Variants in TRHDE observed in about 807,000 individuals in gnomAD.
TRHDE encodes thyrotropin releasing hormone degrading enzyme, also known as thyrotropin-releasing hormone-degrading ectoenzyme.
Under a neutral mutation model 125.7 loss-of-function variants are expected in TRHDE, and 72 were observed. That is an observed-to-expected ratio of 0.57 (90% confidence interval 0.47 to 0.70). The LOEUF is 0.70. Among genes scored for constraint, TRHDE ranks in the 30% least tolerant of loss-of-function variants. The probability of loss-of-function intolerance (pLI) is 0.00; values close to 1 mark genes in which losing one functional copy is unlikely to be tolerated. For missense variants in TRHDE, 1,110 were observed against 1,327.1 expected (o/e 0.84, Z 2.54); for synonymous variants, 509 against 509.1 (o/e 1.00, Z 0.00).
At chr12:72,294,228 C>G (rs1044517280) in intron 2 of TRHDE, among the ~76,000 whole-genome samples, 1 of 152,170 alleles carries the variant, frequency 6.6e-6, no homozygotes, top group Admixed American at 6.5e-5. Context: ...GTTCTTTTAG[C>G]CTCACCATTC....
At chr12:72,389,818 A>G (rs948003684) in intron 3 of TRHDE, among the ~76,000 whole-genome samples, 2 of 152,198 alleles carry the variant, frequency 1.3e-5, no homozygotes, top group Non-Finnish European at 1.5e-5. Flanking sequence ...ACATTTTTAA[A>G]GAATCACATT....
Position 72,273,598 on chromosome 12 carries a change from G to A in TRHDE, c.914+41G>A. The A allele has an allele frequency of 6.5e-7, 1 of 1,537,586 alleles. No individual in the cohort carries two copies. Among genetic ancestry groups the A allele is most frequent in the Non-Finnish European group, 8.8e-7 (1 of 1,142,068 alleles). On this transcript the variant is annotated intron_variant, in intron 1 of 18. Transcript: ENST00000261180. The surrounding 1 kb of genome is among the most constrained non-coding windows in gnomAD (Gnocchi z 5.3). Reference sequence around the variant, plus strand: ...GTGCCCCGCGCTGCCCCACCCCGGCGCGCGGCTCGAACCTCTGGGCGGCCT... The same window carrying A: ...GTGCCCCGCGCTGCCCCACCCCGGCACGCGGCTCGAACCTCTGGGCGGCCT...
intron 3 of TRHDE, among the ~76,000 whole-genome samples, chr12:72,469,445 C>T (rs1876538903): frequency 1.3e-5 from 2 of 152,140 alleles, no homozygotes; most frequent in East Asian, 1.9e-4. Context: ...TCTGTAGGTT[C>T]CTGCTGCATG....
At chr12:72,317,566 A>C (rs1416967885) in intron 2 of TRHDE, among the ~76,000 whole-genome samples, 1 of 152,134 alleles carries the variant, frequency 6.6e-6, no homozygotes, top group East Asian at 1.9e-4. Context: ...TGGCTCCCTT[A>C]AGCCCTTTTG....
chr12:72,463,475 T>C (rs1287287929), intron 3 of TRHDE, among the ~76,000 whole-genome samples: 1 of 152,178 alleles, frequency 6.6e-6, no homozygotes, highest in Non-Finnish European at 1.5e-5. Context: ...CTGTAGGTAG[T>C]ATGGCTTAGG....
At chr12:72,592,992 C>T (rs909662028) in intron 12 of TRHDE, among the ~76,000 whole-genome samples, 2 of 152,166 alleles carry the variant, frequency 1.3e-5, no homozygotes, top group Non-Finnish European at 2.9e-5. Flanking sequence ...GGATTACAGG[C>T]GTGAGCCACC....
intron 2 of TRHDE, among the ~76,000 whole-genome samples, chr12:72,183,145 C>T (rs1877128342): frequency 6.6e-6 from 1 of 152,168 alleles, no homozygotes; most frequent in African/African-American, 2.4e-5. Flanking sequence ...TGGATGAAAA[C>T]TCTCCTCTTT....
chr12:72,619,016 T>C lies in TRHDE; in HGVS notation c.2447T>C (p.Met816Thr), dbSNP rs766967226. 3.8e-6 allele frequency: 6 copies of C among 1,567,320 alleles called. No individual in the cohort carries two copies. The Admixed American group carries it at 8.0e-5, about 21-fold the overall frequency. ...CCTCTAGATAAATTACTGGACCGCA[T>C]GGAAAACTACAACATTTTCAATGTA... ...LYPLDKLLDRMENYNIFNEYI... is the reference protein window; with the variant it reads ...LYPLDKLLDRTENYNIFNEYI... The change falls in exon 13 of 19, where the codon ATG becomes ACG. Residue 816 changes from methionine to threonine, a missense_variant. By Grantham distance (81) the Met-to-Thr change is moderately conservative. This residue lies in a region of TRHDE where 527 missense variants were observed against 651.8 expected (regional missense o/e 0.81). Transcript: ENST00000261180.
At chr12:72,189,556 C>T (rs1025110286) in intron 2 of TRHDE, among the ~76,000 whole-genome samples, 8 of 152,102 alleles carry the variant, frequency 5.3e-5, no homozygotes, top group African/African-American at 4.8e-5. Flanking sequence ...TGGTATGAAA[C>T]GTGTAACTTG....
intron 1 of TRHDE, among the ~76,000 whole-genome samples, chr12:72,092,916 C>T (rs1414871458): frequency 9.9e-5 from 15 of 152,176 alleles, no homozygotes; most frequent in Admixed American, 9.8e-4. Context: ...TGGAAACTCA[C>T]CATCTTAGCC....
chr12:72,463,737 G>T (rs903851975), intron 3 of TRHDE, among the ~76,000 whole-genome samples: 3 of 152,142 alleles, frequency 2.0e-5, no homozygotes, highest in Non-Finnish European at 2.9e-5. Flanking sequence ...TCTGACTGTG[G>T]CAGACAGGAG....
At chr12:72,192,375 T>C (rs772976583) in intron 2 of TRHDE, among the ~76,000 whole-genome samples, 5 of 152,144 alleles carry the variant, frequency 3.3e-5, no homozygotes, top group Non-Finnish European at 5.9e-5. Flanking sequence ...TGTCTTGCCC[T>C]TTTAAGACAG....
intron 3 of TRHDE, among the ~76,000 whole-genome samples, chr12:72,445,930 T>C (rs1875255430): frequency 6.6e-6 from 1 of 151,926 alleles, no homozygotes. Context: ...GGGCACTGGT[T>C]GGTTAGGGAT....
intron 13 of TRHDE, 111 bp from the exon 14 acceptor site, chr12:72,620,997 T>A: frequency 1.8e-6 from 1 of 542,690 alleles, no homozygotes; most frequent in East Asian, 3.1e-5. Flanking sequence ...TTATGGATAT[T>A]TGAAAGTAGG....
At chr12:72,474,321 T>C in intron 5 of TRHDE, among the ~76,000 whole-genome samples, 1 of 152,124 alleles carries the variant, frequency 6.6e-6, no homozygotes, top group East Asian at 1.9e-4. Flanking sequence ...AGTTTTCAGG[T>C]GTGTGATGCA....
intron 2 of TRHDE, among the ~76,000 whole-genome samples, chr12:72,307,948 CT>C (rs1356376478): frequency 2.0e-5 from 3 of 152,042 alleles, no homozygotes; most frequent in African/African-American, 7.2e-5. Context: ...AATCAGATAC[CT>C]TATGGTTAAG....
intron 12 of TRHDE, among the ~76,000 whole-genome samples, chr12:72,590,860 T>C (rs1213820430): frequency 2.6e-5 from 4 of 152,346 alleles, no homozygotes; most frequent in East Asian, 3.9e-4. Context: ...GTTGTTATTG[T>C]TTTCTTCTTG....
intron 2 of TRHDE, among the ~76,000 whole-genome samples, chr12:72,325,352 T>C (rs1869291048): frequency 6.6e-6 from 1 of 152,136 alleles, no homozygotes; most frequent in South Asian, 2.1e-4. Flanking sequence ...CAGAGGTTTA[T>C]GTATTTTCAC....
intron 2 of TRHDE, among the ~76,000 whole-genome samples, chr12:72,370,500 G>A (rs142638013): frequency 1.3e-5 from 2 of 152,002 alleles, no homozygotes; most frequent in East Asian, 3.9e-4. Flanking sequence ...TTTGCAATTC[G>A]GTTTACAGAC....
Sources: gnomAD v4.1 joint callset for allele counts (sites outside exome capture counted in the v4.1 genomes callset) on GRCh38, gnomAD v4.1.1 for gene constraint, gnomAD v4.1.1 regional missense constraint, Gnocchi (gnomAD v3.1) non-coding constraint, MANE v1.5 for transcripts, NCBI Gene and HGNC (gene_info 2026-07-23, HGNC 2026-07-21) for gene names.